CTNNA3: variants seen among roughly 807,000 people sequenced by gnomAD.
CTNNA3 encodes the protein catenin alpha 3, also known as catenin alpha-3.
CTNNA3 carries 76 observed loss-of-function variants against 95.7 expected under a neutral mutation model. The observed-to-expected ratio is 0.79, with a 90% CI of 0.66 to 0.96. CTNNA3 has a LOEUF of 0.96. Ranked by LOEUF, CTNNA3 falls within the 40% of genes least tolerant of loss-of-function variation. CTNNA3 has a pLI of 0.00. For missense variants in CTNNA3, 1,191 were observed against 1,089.8 expected (o/e 1.09, Z -1.31); for synonymous variants, 431 against 374.4 (o/e 1.15, Z -1.74).
At chr10:66,815,876 C>T (rs1842059379) in intron 7 of CTNNA3, among the ~76,000 whole-genome samples, 1 of 152,078 alleles carries the variant, frequency 6.6e-6, no homozygotes, top group Non-Finnish European at 1.5e-5. Flanking sequence ...AATAAAAGGA[C>T]ATAAGACAGT....
chr10:66,272,401 CCA>C (rs1210840703), intron 13 of CTNNA3, among the ~76,000 whole-genome samples: 1 of 152,154 alleles, frequency 6.6e-6, no homozygotes, highest in Non-Finnish European at 1.5e-5. Flanking sequence ...AATAAATTCT[CCA>C]CAGTCAACAA....
chr10:67,289,759 A>ATGG (rs1554818584), intron 5 of CTNNA3, among the ~76,000 whole-genome samples: 8,337 of 145,922 alleles, frequency 0.057, 291 homozygotes, highest in African/African-American at 0.11. Context: ...AGGATGGATG[A>ATGG]ATGGATGGAT....
At chr10:67,503,877 G>A (rs771367238) in intron 5 of CTNNA3, among the ~76,000 whole-genome samples, 1 of 152,162 alleles carries the variant, frequency 6.6e-6, no homozygotes, top group African/African-American at 2.4e-5. Context: ...GTAACATTCA[G>A]CCAGGCGCGG....
At chr10:67,523,446 G>T (rs1251023179) in intron 4 of CTNNA3, among the ~76,000 whole-genome samples, 2 of 151,938 alleles carry the variant, frequency 1.3e-5, no homozygotes, top group Admixed American at 6.5e-5. Flanking sequence ...GAGTAAACTG[G>T]GTTTCAGAAA....
At chr10:66,268,416 A>G (rs903443886) in intron 13 of CTNNA3, among the ~76,000 whole-genome samples, 1 of 152,144 alleles carries the variant, frequency 6.6e-6, no homozygotes, top group African/African-American at 2.4e-5. Context: ...AAAAAGCCCG[A>G]CTATCCAGTG....
intron 11 of CTNNA3, among the ~76,000 whole-genome samples, chr10:66,500,002 CATG>C (rs922083247): frequency 1.1e-4 from 17 of 152,004 alleles, no homozygotes; most frequent in Admixed American, 8.5e-4. Flanking sequence ...GGGGTTTCAC[CATG>C]TTGGCCAGGC....
chr10:67,680,915 C>T (rs555030391), intron 1 of CTNNA3, among the ~76,000 whole-genome samples: 1 of 152,172 alleles, frequency 6.6e-6, no homozygotes, highest in South Asian at 2.1e-4. Flanking sequence ...CTTAAAAATA[C>T]AAATGTGGAC....
At chr10:65,993,771 T>C (rs2078592651) in intron 15 of CTNNA3, among the ~76,000 whole-genome samples, 1 of 152,206 alleles carries the variant, frequency 6.6e-6, no homozygotes, top group Admixed American at 6.5e-5. Flanking sequence ...AGTCTTGCTC[T>C]GTTGCCTGGG....
In CTNNA3 at chr10:66,505,636, A is replaced by C. The variant is rs369161018; in HGVS notation, c.1531+14981T>G. Among the ~76,000 whole-genome samples the C allele has an allele frequency of 3.8e-4, 58 of 152,254 alleles. 1 individual carries two copies. In the South Asian group the frequency reaches 0.012, roughly 31 times the overall value. On this transcript the variant is annotated intron_variant, in intron 11 of 17. Coordinates refer to ENST00000433211, the MANE Select transcript of CTNNA3 (RefSeq NM_013266.4). ...CGGCTTGAGCTAGGATGCAGTTATCAAACTGGTTCTCACCTTCCTATTGTA... is the reference window on the plus strand; with the variant it reads ...CGGCTTGAGCTAGGATGCAGTTATCCAACTGGTTCTCACCTTCCTATTGTA...
intron 9 of CTNNA3, among the ~76,000 whole-genome samples, chr10:66,642,186 T>C (rs1845538566): frequency 6.6e-6 from 1 of 151,622 alleles, no homozygotes; most frequent in Admixed American, 6.6e-5. Flanking sequence ...CAGCCTGAAA[T>C]AATAGATAAT....
intron 11 of CTNNA3, among the ~76,000 whole-genome samples, chr10:66,481,474 T>G (rs968835371): frequency 8.6e-6 from 1 of 115,654 alleles, no homozygotes; most frequent in Non-Finnish European, 1.7e-5. Flanking sequence ...TTTTTTTTTT[T>G]TTTTTTTTTT....
chr10:66,827,915 C>T (rs1185011541), intron 7 of CTNNA3, among the ~76,000 whole-genome samples: 1 of 151,978 alleles, frequency 6.6e-6, no homozygotes, highest in African/African-American at 2.4e-5. Flanking sequence ...GAGATGAAAC[C>T]GAGATGATAT....
At chr10:66,031,303 T>A (rs1043093175) in intron 15 of CTNNA3, among the ~76,000 whole-genome samples, 7 of 152,188 alleles carry the variant, frequency 4.6e-5, no homozygotes, top group African/African-American at 1.7e-4. Context: ...TGAATTAACC[T>A]AAATGCCAAT....
intron 10 of CTNNA3, among the ~76,000 whole-genome samples, chr10:66,612,425 T>C (rs1458935610): frequency 6.6e-6 from 1 of 152,110 alleles, no homozygotes; most frequent in East Asian, 1.9e-4. Flanking sequence ...TCTAAACCCC[T>C]TCACTTGGCA....
At chr10:67,685,848 TTCTG>T (rs369866646) in intron 1 of CTNNA3, among the ~76,000 whole-genome samples, 19 of 152,256 alleles carry the variant, frequency 1.2e-4, no homozygotes, top group African/African-American at 4.3e-4. Context: ...TTGTTTGACT[TTCTG>T]TCTCTCTGTA....
chr10:66,429,747 G>A (rs535387331), intron 11 of CTNNA3, among the ~76,000 whole-genome samples: 2,715 of 152,124 alleles, frequency 0.018, 73 homozygotes, highest in African/African-American at 0.062. Context: ...TTGATGGGAA[G>A]TATCTAAAAA....
chr10:66,717,632 A>G (rs1250088913), intron 9 of CTNNA3, among the ~76,000 whole-genome samples: 1 of 152,146 alleles, frequency 6.6e-6, no homozygotes, highest in Non-Finnish European at 1.5e-5. Flanking sequence ...AAAGAATCAA[A>G]CAATGTGGAC....
At chr10:66,090,029 G>A (rs990559762) in intron 14 of CTNNA3, among the ~76,000 whole-genome samples, 5 of 151,932 alleles carry the variant, frequency 3.3e-5, no homozygotes, top group African/African-American at 1.2e-4. Flanking sequence ...TGAATCTAAT[G>A]CTACATTCGT....
At chr10:66,225,802 T>C (rs2089252690) in intron 13 of CTNNA3, among the ~76,000 whole-genome samples, 1 of 152,060 alleles carries the variant, frequency 6.6e-6, no homozygotes, top group Non-Finnish European at 1.5e-5. Flanking sequence ...CTGGATTTAA[T>C]TTGCATTCCC....
Sources: gnomAD v4.1 joint callset for allele counts (sites outside exome capture counted in the v4.1 genomes callset) on GRCh38, gnomAD v4.1.1 for gene constraint, MANE v1.5 for transcripts, NCBI Gene and HGNC (gene_info 2026-07-23, HGNC 2026-07-21) for gene names.